The following AGBL4 variants were observed in gnomAD, a reference collection of about 807,000 sequenced individuals.
The protein encoded by AGBL4 is cytosolic carboxypeptidase 6.
Under a neutral mutation model 66.4 loss-of-function variants are expected in AGBL4, and 58 were observed. That is an observed-to-expected ratio of 0.87 (90% CI 0.71 to 1.09). AGBL4 has a LOEUF of 1.09. Among genes scored for constraint, AGBL4 ranks in the 50% least tolerant of loss-of-function variants. AGBL4 has a pLI of 0.00. For missense variants in AGBL4, 579 were observed against 631.0 expected, an observed-to-expected ratio of 0.92 and a Z score of 0.88; for synonymous variants, 234 against 222.9, an observed-to-expected ratio of 1.05 and a Z score of -0.44.
chr1:49,240,099 C>T (rs1346142247), intron 4 of AGBL4, among the ~76,000 whole-genome samples: 3 of 151,894 alleles, frequency 2.0e-5, no homozygotes, highest in African/African-American at 4.8e-5. Flanking sequence ...AAAGACACCA[C>T]TAATTTCAAA....
At chr1:49,121,028 G>A (rs1645642271) in intron 4 of AGBL4, among the ~76,000 whole-genome samples, 1 of 152,108 alleles carries the variant, frequency 6.6e-6, no homozygotes, top group South Asian at 2.1e-4. Context: ...GTGTCATGAA[G>A]TTCTCATGCC....
At chr1:49,234,448 G>C (rs1388880517) in intron 4 of AGBL4, among the ~76,000 whole-genome samples, 1 of 152,166 alleles carries the variant, frequency 6.6e-6, no homozygotes, top group Admixed American at 6.5e-5. Flanking sequence ...AAGTGAACTT[G>C]AGAACATATT....
chr1:49,005,242 C>T (rs1661695144), intron 5 of AGBL4, among the ~76,000 whole-genome samples: 1 of 152,200 alleles, frequency 6.6e-6, no homozygotes, highest in South Asian at 2.1e-4. Context: ...TAGAGAGAAA[C>T]TTTTCCATAC....
rs192767363 is a variant in AGBL4, at chr1:48,599,598, A to C, written c.952-8613T>G. Among the ~76,000 whole-genome samples the C allele has an allele frequency of 1.1e-4, 16 of 152,332 alleles. No individual in the cohort carries two copies. In the East Asian group the frequency reaches 2.9e-3, roughly 28 times the overall value. Reference sequence around the variant, plus strand: ...TAGAGGTGAGAAGGCATATTTAATAAATATTGTGGCCACATCTCCATAGAA... The same window carrying C: ...TAGAGGTGAGAAGGCATATTTAATACATATTGTGGCCACATCTCCATAGAA... On this transcript the variant is annotated intron_variant, in intron 9 of 13. Coordinates refer to ENST00000371839, the MANE Select transcript of AGBL4 (RefSeq NM_032785.4).
At chr1:49,922,927 T>A (rs182495458) in intron 1 of AGBL4, among the ~76,000 whole-genome samples, 10 of 152,302 alleles carry the variant, frequency 6.6e-5, no homozygotes, top group Admixed American at 2.6e-4. Flanking sequence ...CCTATTAAAT[T>A]AGCATTGAGA....
At chr1:49,459,517 G>A (rs908167655) in intron 3 of AGBL4, among the ~76,000 whole-genome samples, 9 of 151,120 alleles carry the variant, frequency 6.0e-5, no homozygotes, top group African/African-American at 2.2e-4. Flanking sequence ...CTCCCATTTC[G>A]TTTCTAACTG....
chr1:48,968,748 C>T (rs1285503253), intron 5 of AGBL4, among the ~76,000 whole-genome samples: 4 of 152,098 alleles, frequency 2.6e-5, no homozygotes, highest in African/African-American at 9.7e-5. Flanking sequence ...TTTTCTACCA[C>T]CTTCTTCCAG....
At chr1:48,836,607 C>A (rs1646679456) in intron 6 of AGBL4, among the ~76,000 whole-genome samples, 1 of 151,976 alleles carries the variant, frequency 6.6e-6, no homozygotes, top group Non-Finnish European at 1.5e-5. Context: ...ATCAAAAAAA[C>A]CCCACAAGAA....
At chr1:49,624,116 C>T (rs1389716718) in intron 3 of AGBL4, among the ~76,000 whole-genome samples, 3 of 151,934 alleles carry the variant, frequency 2.0e-5, no homozygotes, top group Admixed American at 2.0e-4. Context: ...AAATGTGAGA[C>T]ATTTTAAATT....
chr1:49,391,687 A>G (rs1031819517), intron 3 of AGBL4, among the ~76,000 whole-genome samples: 2 of 150,978 alleles, frequency 1.3e-5, no homozygotes, highest in Admixed American at 6.7e-5. Flanking sequence ...TCAGCCTCCC[A>G]AGTAGCTGGG....
intron 1 of AGBL4, among the ~76,000 whole-genome samples, chr1:49,980,443 G>A (rs1324438015): frequency 6.6e-6 from 1 of 151,756 alleles, no homozygotes. Flanking sequence ...ACCTTCCCTC[G>A]GCCCCTGGTT....
chr1:49,281,388 G>T (rs565545018), intron 3 of AGBL4, among the ~76,000 whole-genome samples: 1 of 152,294 alleles, frequency 6.6e-6, no homozygotes, highest in South Asian at 2.1e-4. Flanking sequence ...GTTAGGAGAT[G>T]AAGCCATCAT....
chr1:48,786,234 T>C (rs1355885986), intron 6 of AGBL4, among the ~76,000 whole-genome samples: 1 of 152,234 alleles, frequency 6.6e-6, no homozygotes, highest in Non-Finnish European at 1.5e-5. Flanking sequence ...GGAACTGTAC[T>C]AACTGCTTTA....
chr1:49,918,587 A>T (rs1379235289), intron 1 of AGBL4, among the ~76,000 whole-genome samples: 1 of 151,694 alleles, frequency 6.6e-6, no homozygotes, highest in Non-Finnish European at 1.5e-5. Context: ...AATTGAGACA[A>T]TAATTAATAG....
chr1:48,839,438 C>T (rs756273152), intron 6 of AGBL4, among the ~76,000 whole-genome samples: 49 of 151,946 alleles, frequency 3.2e-4, no homozygotes, highest in Non-Finnish European at 6.3e-4. Flanking sequence ...CTAGATGGAA[C>T]TGGAGGACAT....
At chr1:49,788,845 C>T (rs1644523237) in intron 2 of AGBL4, among the ~76,000 whole-genome samples, 1 of 152,116 alleles carries the variant, frequency 6.6e-6, no homozygotes, top group Non-Finnish European at 1.5e-5. Flanking sequence ...CGAAATAATG[C>T]CTGATTGCCC....
intron 3 of AGBL4, among the ~76,000 whole-genome samples, chr1:49,479,671 T>C (rs1297390161): frequency 6.6e-6 from 1 of 151,824 alleles, no homozygotes; most frequent in Non-Finnish European, 1.5e-5. Context: ...CATTTCATGG[T>C]GTATATGTAC....
intron 9 of AGBL4, among the ~76,000 whole-genome samples, chr1:48,611,784 A>G (rs1467840569): frequency 6.6e-6 from 1 of 152,226 alleles, no homozygotes; most frequent in African/African-American, 2.4e-5. Flanking sequence ...AGGCAACACT[A>G]TATATAAGCA....
At chr1:49,235,734 C>T (rs1004659299) in intron 4 of AGBL4, among the ~76,000 whole-genome samples, 1 of 152,182 alleles carries the variant, frequency 6.6e-6, no homozygotes, top group Non-Finnish European at 1.5e-5. Flanking sequence ...TGGCCTACAT[C>T]TTCCCTGGGT....
Sources: gnomAD v4.1 joint callset for allele counts (sites outside exome capture counted in the v4.1 genomes callset) on GRCh38, gnomAD v4.1.1 for gene constraint, MANE v1.5 for transcripts, NCBI Gene and HGNC (gene_info 2026-07-23, HGNC 2026-07-21) for gene names.